The following NEO1 variants were observed in gnomAD, a reference collection of about 807,000 sequenced individuals.
NEO1 encodes the protein neogenin.
NEO1 carries 63 observed loss-of-function variants against 159.7 expected under a neutral mutation model. The observed-to-expected ratio is 0.39, with a 90% CI of 0.32 to 0.49. NEO1 has a LOEUF of 0.49. Among genes scored for constraint, NEO1 ranks in the 20% least tolerant of loss-of-function variants. The probability of loss-of-function intolerance (pLI) is 0.85; values close to 1 mark genes in which losing one functional copy is unlikely to be tolerated. For missense variants in NEO1, 1,615 were observed against 1,831.0 expected, an observed-to-expected ratio of 0.88 and a Z score of 2.15; for synonymous variants, 633 against 662.0, an observed-to-expected ratio of 0.96 and a Z score of 0.67.
In NEO1 at chr15:73,293,451, C is replaced by T. The variant is rs2042234895; in HGVS notation, c.3804C>T (p.Ser1268=). ...LDNPHHHFHS[S]SLASPARSHL... is the part of the protein sequence containing the mutation. ...ACCCTCACCATCATTTCCACTCCAG[C>T]AGCCTCGCTTCTCCAGCTCGCAGTC... The change falls in exon 26 of 29, where the codon AGC becomes AGT. Residue 1268 remains serine, a synonymous_variant. Coordinates refer to ENST00000261908, the MANE Select transcript of NEO1 (RefSeq NM_002499.4). 4 of 1,614,096 alleles carry T rather than the reference C, an allele frequency of 2.5e-6. No homozygotes were observed. In the African/African-American group the frequency reaches 5.3e-5, roughly 22 times the overall value.
intron 1 of NEO1, among the ~76,000 whole-genome samples, chr15:73,069,863 TAAAG>T (rs920092523): frequency 2.6e-5 from 4 of 152,334 alleles, no homozygotes; most frequent in East Asian, 1.9e-4. Context: ...CATTTTTACT[TAAAG>T]GAAGAAGAGT....
rs34165169 is a variant in NEO1 at position 73,097,776 on chromosome 15, C to CTTTTT, written c.131-18746_131-18742dup. 7.2e-3 allele frequency among the ~76,000 whole-genome samples: 547 copies of CTTTTT among 75,466 alleles called. 10 individuals carry two copies. Among genetic ancestry groups the CTTTTT allele is most frequent in the African/African-American group, 0.023 (277 of 11,896 alleles). The allele number at this position is 75,466 out of a possible 152,430, so 49.5% of individuals were successfully genotyped here. Reference sequence around the variant, plus strand: ...TTCTAATCCCAGACCTGGAACTAGCCTTTTTTTTTTTTTTTTTTTTTTGTA... The same window carrying CTTTTT: ...TTCTAATCCCAGACCTGGAACTAGCCTTTTTTTTTTTTTTTTTTTTTTTTTTTGTA... On this transcript the variant is annotated intron_variant, in intron 1 of 28. Transcript: ENST00000261908.
chr15:73,290,282 C>T (rs1175731014), intron 25 of NEO1, among the ~76,000 whole-genome samples: 1 of 119,296 alleles, frequency 8.4e-6, no homozygotes, highest in Admixed American at 1.2e-4. Context: ...GCTGTGTCGC[C>T]AAGGCTGGAG....
chr15:73,134,504 C>T (rs1596100693), intron 4 of NEO1, among the ~76,000 whole-genome samples: 1 of 151,334 alleles, frequency 6.6e-6, no homozygotes, highest in Non-Finnish European at 1.5e-5. Flanking sequence ...TAAATGTGGC[C>T]AAGACTGTAT....
chr15:73,234,452 T>C (rs1230485553), intron 7 of NEO1, among the ~76,000 whole-genome samples: 2 of 152,156 alleles, frequency 1.3e-5, no homozygotes, highest in East Asian at 3.8e-4. Flanking sequence ...CAGCATCTAA[T>C]CCTATCGTTT....
chr15:73,178,117 A>G (rs2035389246), intron 6 of NEO1, among the ~76,000 whole-genome samples, 190 bp from the exon 7 acceptor site: 1 of 152,192 alleles, frequency 6.6e-6, no homozygotes, highest in Non-Finnish European at 1.5e-5. Context: ...GTACTCTTCT[A>G]TTCAGTTAAA....
At chr15:73,300,880 T>A (rs1375697387) in intron 27 of NEO1, among the ~76,000 whole-genome samples, 4 of 152,244 alleles carry the variant, frequency 2.6e-5, no homozygotes, top group Admixed American at 6.5e-5. Context: ...CTGGCTTTTT[T>A]AAACTGCACG....
intron 13 of NEO1, among the ~76,000 whole-genome samples, chr15:73,256,730 T>C (rs895443694): frequency 6.6e-6 from 1 of 152,098 alleles, no homozygotes; most frequent in Non-Finnish European, 1.5e-5. Context: ...CTGCAGTCCA[T>C]ATCATGACTG....
chr15:73,116,196 C>A (rs2071301888), intron 1 of NEO1, among the ~76,000 whole-genome samples: 1 of 152,012 alleles, frequency 6.6e-6, no homozygotes, highest in African/African-American at 2.4e-5. Flanking sequence ...CTTTTATGTT[C>A]AACAGAGAAT....
chr15:73,215,086 G>T (rs2150715539), intron 7 of NEO1, among the ~76,000 whole-genome samples: 1 of 152,228 alleles, frequency 6.6e-6, no homozygotes, highest in Middle Eastern at 3.4e-3. Flanking sequence ...CTTGGTTGCT[G>T]TTGATGTATA....
chr15:73,129,305 A>G lies in NEO1; in HGVS notation c.878+2735A>G, dbSNP rs534230265. 7.2e-5 allele frequency among the ~76,000 whole-genome samples: 11 copies of G among 152,232 alleles called. No individual in the cohort carries two copies. The South Asian group carries it at 1.9e-3, about 26-fold the overall frequency. ...CTTATGAGATATGTAGATAGGCCTC[A>G]GCTAATAAATTATTTAGACCCAAAA... On this transcript the variant is annotated intron_variant, in intron 4 of 28. Transcript: ENST00000261908.
At chr15:73,201,109 T>C (rs2036856833) in intron 7 of NEO1, among the ~76,000 whole-genome samples, 2 of 152,062 alleles carry the variant, frequency 1.3e-5, no homozygotes, top group Admixed American at 1.3e-4. Flanking sequence ...AGTCTGTTGA[T>C]CTTTATAAAT....
chr15:73,090,571 C>T (rs2069631725), intron 1 of NEO1, among the ~76,000 whole-genome samples: 1 of 152,090 alleles, frequency 6.6e-6, no homozygotes, highest in African/African-American at 2.4e-5. Flanking sequence ...TGTTGATTGC[C>T]AGCAGATGCT....
At chr15:73,090,891 G>A (rs1249859990) in intron 1 of NEO1, among the ~76,000 whole-genome samples, 2 of 152,242 alleles carry the variant, frequency 1.3e-5, no homozygotes, top group East Asian at 3.9e-4. Context: ...TGTTTTATAT[G>A]TGCTAAGTAC....
At chr15:73,264,076 A>T (rs2151004749) in intron 15 of NEO1, among the ~76,000 whole-genome samples, 1 of 151,940 alleles carries the variant, frequency 6.6e-6, no homozygotes, top group East Asian at 1.9e-4. Context: ...AGTCCCAGCT[A>T]CTCGGGAGGC....
chr15:73,212,146 C>T (rs939373837), intron 7 of NEO1, among the ~76,000 whole-genome samples: 9 of 152,162 alleles, frequency 5.9e-5, no homozygotes, highest in Non-Finnish European at 8.8e-5. Context: ...CATCTCTGAG[C>T]CCAGAGCCTC....
chr15:73,236,701 G>A (rs1055187634), intron 8 of NEO1, among the ~76,000 whole-genome samples, 195 bp downstream of exon 8: 1 of 152,140 alleles, frequency 6.6e-6, no homozygotes. Flanking sequence ...CCTTTTCTGG[G>A]ATGACTTAGG....
intron 7 of NEO1, among the ~76,000 whole-genome samples, chr15:73,188,156 T>G (rs905021313): frequency 1.3e-5 from 2 of 152,076 alleles, no homozygotes; most frequent in African/African-American, 2.4e-5. Context: ...CAATGTTATA[T>G]CTGGTGGCTT....
intron 3 of NEO1, among the ~76,000 whole-genome samples, chr15:73,123,540 A>G (rs7175329): frequency 0.39 from 58,778 of 151,912 alleles, 13,044 homozygotes; most frequent in Middle Eastern, 0.51. Context: ...TATACTCCCC[A>G]TTTTAGTGTA....
Sources: allele counts gnomAD v4.1 joint callset (sites outside exome capture counted in the v4.1 genomes callset), GRCh38; gene constraint gnomAD v4.1.1; transcripts MANE v1.5; gene names NCBI Gene and HGNC (gene_info 2026-07-23, HGNC 2026-07-21).